FARP1: variants seen among roughly 807,000 people sequenced by gnomAD.
The protein encoded by FARP1 is FERM, ARHGEF and pleckstrin domain-containing protein 1.
In FARP1, 52 loss-of-function variants were observed where a neutral mutation model predicts 128.8. That is an observed-to-expected ratio of 0.40 (90% CI 0.32 to 0.51). FARP1 has a LOEUF of 0.51. FARP1 is among the 20% of genes least tolerant of loss of function. The pLI, the probability that FARP1 is intolerant of heterozygous loss-of-function variation, is 0.45. For synonymous variants in FARP1, 580 were observed against 551.8 expected (o/e 1.05, Z -0.72); for missense variants, 1,333 against 1,367.9 (o/e 0.97, Z 0.40).
intron 3 of FARP1, among the ~76,000 whole-genome samples, chr13:98,346,935 A>G (rs1301707001): frequency 2.0e-5 from 3 of 152,188 alleles, no homozygotes; most frequent in Non-Finnish European, 4.4e-5. Flanking sequence ...GACATCGATA[A>G]CTTCAATAAT....
chr13:98,288,236 GT>G (rs1353523603), intron 2 of FARP1, among the ~76,000 whole-genome samples: 1 of 152,146 alleles, frequency 6.6e-6, no homozygotes, highest in African/African-American at 2.4e-5. Flanking sequence ...AGGAGGGATG[GT>G]ATAGGTTTGC....
intron 2 of FARP1, among the ~76,000 whole-genome samples, chr13:98,307,796 A>G (rs1046634951): frequency 3.3e-5 from 5 of 151,960 alleles, no homozygotes; most frequent in African/African-American, 1.2e-4. Context: ...CTCCAATATT[A>G]TCTTACTCTC....
chr13:98,252,356 C>T (rs757608542), intron 2 of FARP1, among the ~76,000 whole-genome samples: 4 of 152,108 alleles, frequency 2.6e-5, no homozygotes, highest in African/African-American at 7.2e-5. Flanking sequence ...AAGACTTCAG[C>T]GTGGCTCTTG....
chr13:98,334,695 T>C (rs1887669035), intron 2 of FARP1, among the ~76,000 whole-genome samples: 1 of 152,154 alleles, frequency 6.6e-6, no homozygotes, highest in Non-Finnish European at 1.5e-5. Context: ...GTACACTAAT[T>C]AAGGTAAAAT....
At chr13:98,150,239 C>G (rs1432835059) in intron 1 of FARP1, among the ~76,000 whole-genome samples, 1 of 152,100 alleles carries the variant, frequency 6.6e-6, no homozygotes, top group East Asian at 1.9e-4. Context: ...CCATGTTGGC[C>G]AAGCTGGTCT....
At chr13:98,270,840 A>T (rs560342949) in intron 2 of FARP1, among the ~76,000 whole-genome samples, 4 of 152,266 alleles carry the variant, frequency 2.6e-5, no homozygotes, top group African/African-American at 9.6e-5. Flanking sequence ...TAAATGGAAC[A>T]TTCACGCAAG....
At chr13:98,177,896 C>T (rs1267425636) in intron 1 of FARP1, 1 of 152,166 alleles carries the variant, frequency 6.6e-6, no homozygotes, top group African/African-American at 2.4e-5. Flanking sequence ...AACACACGCG[C>T]AGTGCAGAAA....
At chr13:98,289,733 C>A (rs549674272) in intron 2 of FARP1, among the ~76,000 whole-genome samples, 30 of 152,280 alleles carry the variant, frequency 2.0e-4, no homozygotes, top group Admixed American at 7.2e-4. Flanking sequence ...TAGAGAACTG[C>A]TCGCTGTCCT....
chr13:98,262,881 G>A (rs552551170), intron 2 of FARP1, among the ~76,000 whole-genome samples: 40 of 152,298 alleles, frequency 2.6e-4, no homozygotes, highest in Admixed American at 9.1e-4. Flanking sequence ...AAGTATTACA[G>A]TGGCCTGGTA....
chr13:98,436,529 G>T (rs1435380226), intron 19 of FARP1, among the ~76,000 whole-genome samples: 2 of 152,234 alleles, frequency 1.3e-5, no homozygotes, highest in African/African-American at 4.8e-5. Context: ...GCAGGATCCA[G>T]TATCTCAGGG....
intron 11 of FARP1, among the ~76,000 whole-genome samples, chr13:98,392,326 A>C (rs1403007252): frequency 1.4e-4 from 18 of 124,560 alleles, no homozygotes; most frequent in East Asian, 1.3e-3. Context: ...CTCTACCCAA[A>C]AAAAAAAAAA....
intron 2 of FARP1, among the ~76,000 whole-genome samples, chr13:98,342,519 T>A (rs574801716): frequency 1.4e-4 from 19 of 140,594 alleles, no homozygotes; most frequent in East Asian, 1.1e-3. Flanking sequence ...ACCAACATGG[T>A]GAAACCCCAT....
chr13:98,154,554 C>G (rs1447313150), intron 1 of FARP1, among the ~76,000 whole-genome samples: 1 of 152,044 alleles, frequency 6.6e-6, no homozygotes, highest in Non-Finnish European at 1.5e-5. Context: ...AATCTCGAGG[C>G]CCAGAATGGA....
chr13:98,186,978 C>T (rs532265614), intron 1 of FARP1, among the ~76,000 whole-genome samples: 32 of 105,732 alleles, frequency 3.0e-4, no homozygotes, highest in Admixed American at 1.4e-3. Context: ...GGAGATGGAG[C>T]GAGATTCTGT....
chr13:98,377,830 C>A lies in FARP1; in HGVS notation c.408C>A (p.Phe136Leu). Residue 136 changes from phenylalanine to leucine, a missense_variant, in exon 6 of 27, where the codon TTC becomes TTA. By Grantham distance (22) the Phe-to-Leu change is conservative (BLOSUM62 0). Transcript: ENST00000319562. ...QLQEELTRYL[F>L]ALQVKQDLAQ... ...CTGTTGATCTTCGCAGGTACCTGTT[C>A]GCGCTGCAGGTGAAGCAGGACTTGG... 6.2e-7 allele frequency: 1 copy of A among 1,613,542 alleles called. No individual in the cohort carries two copies. Among genetic ancestry groups the A allele is most frequent in the Non-Finnish European group, 8.5e-7 (1 of 1,179,478 alleles).
intron 18 of FARP1, among the ~76,000 whole-genome samples, chr13:98,435,186 A>G (rs1184659033): frequency 1.3e-5 from 2 of 152,102 alleles, no homozygotes; most frequent in Non-Finnish European, 2.9e-5. Context: ...AGATTTTTCT[A>G]TGGCCTCTTT....
intron 6 of FARP1, among the ~76,000 whole-genome samples, chr13:98,381,027 C>T (rs189984962): frequency 6.6e-6 from 1 of 152,252 alleles, no homozygotes; most frequent in Admixed American, 6.5e-5. Context: ...TACCATTTTC[C>T]CCCCAGAAAC....
Position 98,231,302 on chromosome 13 carries a change from T to TA in FARP1, c.171+17899dup, listed in dbSNP as rs150635401. 3.3e-3 allele frequency among the ~76,000 whole-genome samples: 497 copies of TA among 149,186 alleles called. 6 individuals carry two copies. Among genetic ancestry groups the TA allele is most frequent in the East Asian group, 0.022 (113 of 5,106 alleles). On this transcript the variant is annotated intron_variant, in intron 2 of 26. Coordinates refer to ENST00000319562, the MANE Select transcript of FARP1 (RefSeq NM_005766.4). ...CTGGAGCTAGGGAGAACAGAGGATGTAAAAAAAAAATACTCTGGACAAGCT... is the reference window on the plus strand; with the variant it reads ...CTGGAGCTAGGGAGAACAGAGGATGTAAAAAAAAAAATACTCTGGACAAGCT...
chr13:98,212,324 G>T (rs1480913703), intron 1 of FARP1, among the ~76,000 whole-genome samples: 2 of 152,146 alleles, frequency 1.3e-5, no homozygotes, highest in Non-Finnish European at 2.9e-5. Flanking sequence ...CGAAAGTGCT[G>T]GGATTACAGG....
Sources: allele counts gnomAD v4.1 joint callset (sites outside exome capture counted in the v4.1 genomes callset), GRCh38; gene constraint gnomAD v4.1.1; transcripts MANE v1.5; gene names NCBI Gene and HGNC (gene_info 2026-07-23, HGNC 2026-07-21).